Variants in VDAC1 observed in about 807,000 individuals in gnomAD.
VDAC1 encodes the protein non-selective voltage-gated ion channel VDAC1.
VDAC1 carries 10 observed loss-of-function variants against 34.7 expected under a neutral mutation model. That is an observed-to-expected ratio of 0.29 (90% CI 0.18 to 0.49). The LOEUF (loss-of-function observed/expected upper bound fraction) is 0.49. Ranked by LOEUF, VDAC1 falls within the 20% of genes least tolerant of loss-of-function variation. The probability of loss-of-function intolerance (pLI) is 0.99; values close to 1 mark genes in which losing one functional copy is unlikely to be tolerated. For missense variants in VDAC1, 230 were observed against 347.9 expected (o/e 0.66, Z 2.69); for synonymous variants, 130 against 136.0 (o/e 0.96, Z 0.30).
the VDAC1 span, among the ~76,000 whole-genome samples, chr5:134,113,080 T>C: frequency 0.013 from 2,037 of 152,156 alleles, 53 homozygotes; most frequent in African/African-American, 0.046. Flanking sequence ...GGCTCTGAAC[T>C]CCCGTCCCTG....
the VDAC1 span, among the ~76,000 whole-genome samples, chr5:134,102,849 T>C: frequency 6.6e-6 from 1 of 152,088 alleles, no homozygotes; most frequent in South Asian, 2.1e-4. Context: ...GGGCCTCAGT[T>C]TCCCCTGGGT....
chr5:133,999,945 C>A (rs74383138), intron 1 of VDAC1, among the ~76,000 whole-genome samples: 1,699 of 152,228 alleles, frequency 0.011, 25 homozygotes, highest in African/African-American at 0.038. Flanking sequence ...CAGGGCAGAA[C>A]TAGGCCAGCC....
the VDAC1 span, among the ~76,000 whole-genome samples, chr5:134,015,737 C>T: frequency 2.6e-5 from 4 of 151,640 alleles, no homozygotes; most frequent in Non-Finnish European, 4.4e-5. Context: ...CTCCGCCTCC[C>T]GGGTTCAAGC....
At chr5:134,055,588 G>GTTTTTGT in the VDAC1 span, among the ~76,000 whole-genome samples, 3 of 59,616 alleles carry the variant, frequency 5.0e-5, no homozygotes, top group African/African-American at 1.4e-4. Flanking sequence ...CCCCGCTAAT[G>GTTTTTGT]TTTTTTTTTT....
At chr5:134,059,635 C>G in the VDAC1 span, among the ~76,000 whole-genome samples, 1 of 152,090 alleles carries the variant, frequency 6.6e-6, no homozygotes, top group African/African-American at 2.4e-5. Flanking sequence ...ATTTGGGCAT[C>G]CTTGTCCATG....
At chr5:133,992,269 A>G in intron 3 of VDAC1, 37 bp downstream of exon 3, 1 of 1,371,526 alleles carries the variant, frequency 7.3e-7, no homozygotes, top group Non-Finnish European at 9.5e-7. Context: ...ATAAAAATAA[A>G]TAAATACTCA....
the VDAC1 span, among the ~76,000 whole-genome samples, chr5:134,031,998 A>G: frequency 6.7e-6 from 1 of 149,980 alleles, no homozygotes; most frequent in East Asian, 1.9e-4. Context: ...GTGTGGTGTC[A>G]TGCACCTGTA....
chr5:133,999,612 C>G (rs1561599127), intron 1 of VDAC1, among the ~76,000 whole-genome samples: 1 of 152,110 alleles, frequency 6.6e-6, no homozygotes, highest in Non-Finnish European at 1.5e-5. Context: ...TCCCTCCCTG[C>G]TAGGCTTCAG....
chr5:134,074,788 C>T, the VDAC1 span, among the ~76,000 whole-genome samples: 2 of 152,028 alleles, frequency 1.3e-5, no homozygotes, highest in South Asian at 2.1e-4. Flanking sequence ...GGATCATGTA[C>T]TGATGCAGGG....
chr5:133,992,431 TC>T, intron 2 of VDAC1, 76 bp from the exon 3 acceptor site: 1 of 1,197,022 alleles, frequency 8.4e-7, no homozygotes, highest in Non-Finnish European at 1.1e-6. Context: ...CATGGTTGCT[TC>T]AGGATGCTTT....
At chr5:134,011,985 G>A in the VDAC1 span, among the ~76,000 whole-genome samples, 2 of 152,034 alleles carry the variant, frequency 1.3e-5, no homozygotes, top group Non-Finnish European at 2.9e-5. Flanking sequence ...GTGAGAGAAG[G>A]TGATTTAATG....
At chr5:134,035,464 T>C in the VDAC1 span, among the ~76,000 whole-genome samples, 1 of 152,168 alleles carries the variant, frequency 6.6e-6, no homozygotes, top group South Asian at 2.1e-4. Flanking sequence ...CCCAGACTGG[T>C]CTTGAACTCC....
chr5:133,989,211 C>T (rs987367389), intron 5 of VDAC1: 1 of 152,124 alleles, frequency 6.6e-6, no homozygotes, highest in Non-Finnish European at 1.5e-5. Flanking sequence ...CAGCACAGGT[C>T]TGCACTTGGT....
chr5:134,015,093 G>A, the VDAC1 span, among the ~76,000 whole-genome samples: 1 of 152,166 alleles, frequency 6.6e-6, no homozygotes, highest in African/African-American at 2.4e-5. Context: ...ATTATTCTGA[G>A]TGAATGAATG....
intron 6 of VDAC1, among the ~76,000 whole-genome samples, chr5:133,978,501 G>C (rs1320288259): frequency 6.6e-6 from 1 of 152,190 alleles, no homozygotes; most frequent in Non-Finnish European, 1.5e-5. Flanking sequence ...GGGAGACCCA[G>C]GCACTGCCTG....
chr5:134,026,384 G>A, the VDAC1 span, among the ~76,000 whole-genome samples: 2 of 151,850 alleles, frequency 1.3e-5, no homozygotes, highest in East Asian at 1.9e-4. Flanking sequence ...GCGTGGTGGC[G>A]GGCGCCTGTA....
the VDAC1 span, among the ~76,000 whole-genome samples, chr5:134,071,295 C>T: frequency 6.6e-6 from 1 of 152,220 alleles, no homozygotes; most frequent in East Asian, 1.9e-4. This position sits in a 1 kb window ranked among gnomAD's most constrained non-coding sequence, Gnocchi z 4.1. Flanking sequence ...GGGCAGCCAG[C>T]GCGGCCACTT....
the VDAC1 span, among the ~76,000 whole-genome samples, chr5:134,099,506 T>C: frequency 2.6e-5 from 4 of 152,274 alleles, no homozygotes; most frequent in East Asian, 7.7e-4. Context: ...GAGCATCACG[T>C]CTGGGGAGTC....
intron 5 of VDAC1, chr5:133,989,013 G>T (rs1304351499): frequency 6.6e-6 from 1 of 152,216 alleles, no homozygotes; most frequent in African/African-American, 2.4e-5. Flanking sequence ...CAGAGTTCCT[G>T]GGGGGAGAGT....
Sources: allele counts gnomAD v4.1 joint callset (sites outside exome capture counted in the v4.1 genomes callset), GRCh38; gene constraint gnomAD v4.1.1; non-coding constraint Gnocchi (gnomAD v3.1); transcripts MANE v1.5; gene names NCBI Gene and HGNC (gene_info 2026-07-23, HGNC 2026-07-21).